MAST2: variants seen among roughly 807,000 people sequenced by gnomAD.
MAST2 encodes the protein microtubule-associated serine/threonine-protein kinase 2.
A neutral mutation model predicts 147.4 loss-of-function variants in MAST2; 70 were observed. The ratio of observed to expected loss-of-function variants is 0.47; its 90% CI spans 0.39 to 0.58. MAST2 has a LOEUF of 0.58. MAST2 is among the 20% of genes least tolerant of loss of function. The pLI is 0.00. For missense variants in MAST2, 2,080 were observed against 2,302.3 expected, an observed-to-expected ratio of 0.90 and a Z score of 1.98; for synonymous variants, 869 against 896.8, an observed-to-expected ratio of 0.97 and a Z score of 0.55.
intron 5 of MAST2, among the ~76,000 whole-genome samples, chr1:45,970,667 C>CAAAAAA (rs754544108): frequency 0.17 from 12,067 of 72,042 alleles, 1,377 homozygotes; most frequent in East Asian, 0.24. Flanking sequence ...GACTCTGTCT[C>CAAAAAA]AAAAAAAAAA....
intron 3 of MAST2, among the ~76,000 whole-genome samples, chr1:45,866,873 G>A (rs913494713): frequency 2.0e-5 from 3 of 151,840 alleles, no homozygotes; most frequent in African/African-American, 7.3e-5. Flanking sequence ...CTCCGGAGTC[G>A]AGTAGCTGGG....
chr1:46,026,909 T>C (rs1267574461), intron 16 of MAST2, among the ~76,000 whole-genome samples: 1 of 152,202 alleles, frequency 6.6e-6, no homozygotes, highest in African/African-American at 2.4e-5. Context: ...CGTTCCTCCT[T>C]TCTAATATAG....
intron 10 of MAST2, among the ~76,000 whole-genome samples, chr1:46,014,842 A>G (rs1350739102): frequency 1.3e-5 from 2 of 152,202 alleles, no homozygotes; most frequent in Non-Finnish European, 2.9e-5. Flanking sequence ...ACATCTACAG[A>G]ACCCTCCACC....
At position 45,897,206 on chromosome 1, in the gene MAST2, G is replaced by A. The variant is rs555025013; in HGVS notation, c.500+14811G>A. 2.0e-5 allele frequency among the ~76,000 whole-genome samples: 3 copies of A among 152,208 alleles called. No individual in the cohort carries two copies. The East Asian group carries it at 5.8e-4, about 29-fold the overall frequency. ...GGCAGCAATACAAGTCTAGGAGTAG[G>A]TCTTCCTCAGTCCACTCCCATTCAG... On this transcript the variant is annotated intron_variant, in intron 4 of 28. Coordinates refer to ENST00000361297, the MANE Select transcript of MAST2 (RefSeq NM_015112.3).
intron 1 of MAST2, among the ~76,000 whole-genome samples, chr1:45,814,620 C>G (rs1246135005): frequency 6.6e-6 from 1 of 152,130 alleles, no homozygotes; most frequent in African/African-American, 2.4e-5. Context: ...AACCCCGTCA[C>G]TACTAAAAAT....
intron 3 of MAST2, among the ~76,000 whole-genome samples, chr1:45,850,136 A>G (rs917062748): frequency 2.6e-5 from 4 of 151,992 alleles, no homozygotes; most frequent in Non-Finnish European, 5.9e-5. Context: ...TTTTGATAAT[A>G]GCTATTCTGA....
chr1:46,000,052 G>A (rs528178282), intron 6 of MAST2, among the ~76,000 whole-genome samples: 53 of 152,336 alleles, frequency 3.5e-4, no homozygotes, highest in African/African-American at 1.3e-3. Flanking sequence ...AGTGGCTCAC[G>A]CCTGTAATCC....
At chr1:45,960,987 G>A (rs1322432906) in intron 5 of MAST2, among the ~76,000 whole-genome samples, 1 of 152,108 alleles carries the variant, frequency 6.6e-6, no homozygotes, top group African/African-American at 2.4e-5. Context: ...GTATTTGAGG[G>A]TCCTGAGAGT....
intron 2 of MAST2, among the ~76,000 whole-genome samples, chr1:45,827,346 C>T (rs997175169): frequency 1.3e-5 from 2 of 152,094 alleles, no homozygotes; most frequent in Admixed American, 6.5e-5. Context: ...GTTGTTCCTT[C>T]CGTTTTATTT....
At chr1:45,864,967 C>A in intron 3 of MAST2, 2 of 370,854 alleles carry the variant, frequency 5.4e-6, no homozygotes, top group Admixed American at 3.4e-5. Context: ...TTACGCTGGA[C>A]AGAGGGATAA....
At chr1:46,015,862 G>T (rs1042974942) in intron 10 of MAST2, among the ~76,000 whole-genome samples, 1 of 152,130 alleles carries the variant, frequency 6.6e-6, no homozygotes, top group Non-Finnish European at 1.5e-5. Flanking sequence ...GCCGGGCAGA[G>T]ACACAACTAA....
chr1:45,862,538 C>G (rs10749860), intron 3 of MAST2, among the ~76,000 whole-genome samples: 67,287 of 148,436 alleles, frequency 0.45, 15,262 homozygotes, highest in East Asian at 0.63. Flanking sequence ...GTGGCACGAT[C>G]TCAGCTCTGC....
chr1:45,836,138 A>AT (rs1645095556), intron 3 of MAST2, among the ~76,000 whole-genome samples: 1 of 152,180 alleles, frequency 6.6e-6, no homozygotes, highest in Non-Finnish European at 1.5e-5. Context: ...TTGTTGGATG[A>AT]TACAGTAATT....
At chr1:45,828,309 C>T (rs1470504020) in intron 2 of MAST2, among the ~76,000 whole-genome samples, 5 of 152,060 alleles carry the variant, frequency 3.3e-5, no homozygotes, top group Non-Finnish European at 7.3e-5. Context: ...TAAGATTTTA[C>T]CAGGCACAGA....
At chr1:45,947,576 A>G (rs1658252748) in intron 4 of MAST2, among the ~76,000 whole-genome samples, 2 of 152,220 alleles carry the variant, frequency 1.3e-5, no homozygotes, top group Admixed American at 6.5e-5. Flanking sequence ...CACCTAATCA[A>G]TAAGAGTAGA....
At chr1:46,034,345 T>G in intron 28 of MAST2, 79 bp downstream of exon 28, 1 of 1,465,352 alleles carries the variant, frequency 6.8e-7, no homozygotes, top group South Asian at 1.4e-5. Context: ...TTCTGACAGA[T>G]CCCACTCTGA....
chr1:45,875,108 C>T (rs1421752973), intron 3 of MAST2, among the ~76,000 whole-genome samples: 2 of 152,144 alleles, frequency 1.3e-5, no homozygotes, highest in Non-Finnish European at 2.9e-5. Context: ...GGATTTTAGA[C>T]TTTATCCATT....
chr1:45,906,167 A>G (rs939549058), intron 4 of MAST2, among the ~76,000 whole-genome samples: 2 of 152,200 alleles, frequency 1.3e-5, no homozygotes, highest in East Asian at 1.9e-4. Context: ...AGTTATTTAT[A>G]TATTTCAGAT....
chr1:45,810,439 C>T (rs78185048), intron 1 of MAST2, among the ~76,000 whole-genome samples: 2 of 152,222 alleles, frequency 1.3e-5, no homozygotes, highest in South Asian at 4.1e-4. Flanking sequence ...TTGCCAGACC[C>T]AGAGCTTTAC....
Sources: gnomAD v4.1 joint callset for allele counts (sites outside exome capture counted in the v4.1 genomes callset) on GRCh38, gnomAD v4.1.1 for gene constraint, MANE v1.5 for transcripts, NCBI Gene and HGNC (gene_info 2026-07-23, HGNC 2026-07-21) for gene names.